The following EPHX1 variants were observed in gnomAD, a reference collection of about 807,000 sequenced individuals.
The protein encoded by EPHX1 is epoxide hydratase.
A neutral mutation model predicts 43.2 loss-of-function variants in EPHX1; 40 were observed. The observed-to-expected ratio is 0.93, with a 90% confidence interval of 0.72 to 1.21. EPHX1 has a LOEUF of 1.21. EPHX1 is among the 50% of genes most tolerant of loss of function. The probability of loss-of-function intolerance (pLI) is 0.00; values close to 1 mark genes in which losing one functional copy is unlikely to be tolerated. For synonymous variants in EPHX1, 221 were observed against 226.7 expected (o/e 0.98, Z 0.22); for missense variants, 550 against 570.4 (o/e 0.96, Z 0.36).
At chr1:225,821,686 G>T (rs141632704) in intron 1 of EPHX1, among the ~76,000 whole-genome samples, 1 of 143,674 alleles carries the variant, frequency 7.0e-6, no homozygotes, top group African/African-American at 2.6e-5. Context: ...TCAGCCTCCC[G>T]AGTAGCTGGG....
At position 225,828,790 on chromosome 1, in the gene EPHX1, CG is replaced by C. The variant is rs1667406423; in HGVS notation, c.64del (p.Asp22ThrfsTer69). ...LGFAIYWFIS[R>X]DKEETLPLED... ...CTTTGCCATCTACTGGTTCATCTCC[CG>C]GGACAAAGAGGAAACTTTGCCACTT... On this transcript the variant is annotated frameshift_variant, in exon 2 of 9. Transcript: ENST00000272167. LOFTEE classifies it high-confidence loss of function. The C allele has an allele frequency of 3.1e-6, 5 of 1,613,740 alleles. No homozygotes were observed. The Admixed American group carries it at 8.3e-5, about 27-fold the overall frequency.
intron 1 of EPHX1, among the ~76,000 whole-genome samples, chr1:225,827,018 G>C (rs1667279918): frequency 6.6e-6 from 1 of 152,178 alleles, no homozygotes; most frequent in African/African-American, 2.4e-5. Context: ...CCATCGCCCT[G>C]GGTGGATTTC....
intron 6 of EPHX1, among the ~76,000 whole-genome samples, 194 bp downstream of exon 6, chr1:225,840,231 C>T (rs538210443): frequency 1.3e-5 from 2 of 152,346 alleles, no homozygotes; most frequent in African/African-American, 4.8e-5. Flanking sequence ...GATTCCCAGG[C>T]CAATTTAGCA....
chr1:225,825,583 A>T (rs1462222012), intron 1 of EPHX1: 1 of 152,182 alleles, frequency 6.6e-6, no homozygotes, highest in Non-Finnish European at 1.5e-5. Flanking sequence ...GGGGAGGGTG[A>T]TCCCTCTTTA....
intron 1 of EPHX1, among the ~76,000 whole-genome samples, chr1:225,827,997 T>TC (rs1449140019): frequency 6.6e-6 from 1 of 152,006 alleles, no homozygotes; most frequent in South Asian, 2.1e-4. Context: ...GGTGCTCCTC[T>TC]CCCCTGGGGG....
In EPHX1 at chr1:225,816,883, A is replaced by G. The variant is rs57724429; in HGVS notation, c.-6+6714A>G. Among the ~76,000 whole-genome samples the G allele has an allele frequency of 4.1e-3, 621 of 152,132 alleles. 15 individuals are homozygous for G. In the East Asian group the frequency reaches 0.046, roughly 11 times the overall value. ...GCCAATCCCAAATTGTTTTCTTTCT[A>G]TCTCTCCAGACATGTAGATAGCATG... On this transcript the variant is annotated intron_variant, in intron 1 of 8. Coordinates refer to ENST00000272167, the MANE Select transcript of EPHX1 (RefSeq NM_001136018.4).
At chr1:225,823,747 C>T (rs1667091597) in intron 1 of EPHX1, among the ~76,000 whole-genome samples, 1 of 152,184 alleles carries the variant, frequency 6.6e-6, no homozygotes. Flanking sequence ...TCCTCTGCCG[C>T]CTTGGGTTCC....
chr1:225,812,786 A>G (rs1163807784), intron 1 of EPHX1, among the ~76,000 whole-genome samples: 1 of 152,232 alleles, frequency 6.6e-6, no homozygotes, highest in Non-Finnish European at 1.5e-5. Flanking sequence ...ACCCCTGCTG[A>G]AGAAGTAGCT....
At chr1:225,842,272 C>T (rs977196286) in intron 6 of EPHX1, 94 bp from the exon 7 acceptor site, 17 of 956,854 alleles carry the variant, frequency 1.8e-5, no homozygotes, top group South Asian at 1.2e-4. Flanking sequence ...CACACAGCCC[C>T]GCCCTCTGCG....
At chr1:225,839,031 A>T in intron 4 of EPHX1, 150 bp downstream of exon 4, 1 of 1,316,382 alleles carries the variant, frequency 7.6e-7, no homozygotes, top group South Asian at 1.3e-5. Flanking sequence ...CCCCAGACAC[A>T]CCGCCCTCCG....
intron 6 of EPHX1, chr1:225,841,233 T>C (rs931482765): frequency 2.0e-4 from 31 of 152,222 alleles, no homozygotes; most frequent in African/African-American, 6.8e-4. Context: ...CTGGCTTCTT[T>C]TGCTCAATAT....
rs1216157792 is a variant in EPHX1, at chr1:225,838,643, TG to T, written c.365-10del. The T allele has an allele frequency of 1.2e-6, 2 of 1,611,434 alleles. No homozygotes were observed. The highest frequency in any genetic ancestry group is 3.3e-5 in the Admixed American group (2 of 59,996). On this transcript the variant is annotated splice_polypyrimidine_tract_variant and intron_variant, in intron 3 of 8. Coordinates refer to ENST00000272167, the MANE Select transcript of EPHX1 (RefSeq NM_001136018.4). ...CTCTCCCTCCACCCTGACTGTGCTC[TG>T]TCCCCCCAGGGCTGGACATCCACTT...
chr1:225,840,631 A>G (rs2102764923), intron 6 of EPHX1, among the ~76,000 whole-genome samples: 1 of 152,400 alleles, frequency 6.6e-6, no homozygotes, highest in East Asian at 1.9e-4. Flanking sequence ...TTAAATCTCC[A>G]TGGGACAAAA....
intron 1 of EPHX1, among the ~76,000 whole-genome samples, chr1:225,824,998 G>A (rs1667162490): frequency 6.6e-6 from 1 of 152,200 alleles, no homozygotes; most frequent in Non-Finnish European, 1.5e-5. Flanking sequence ...CCATCCTTGA[G>A]CCAAGCAAGT....
rs1286941119 is a variant in EPHX1, at chr1:225,817,498, T to TG, written c.-6+7333dup. 6.6e-6 allele frequency among the ~76,000 whole-genome samples: 1 copy of TG among 152,146 alleles called. No individual in the cohort carries two copies. The highest frequency in any genetic ancestry group is 1.5e-5 in the Non-Finnish European group (1 of 68,016). On this transcript the variant is annotated intron_variant, in intron 1 of 8. Coordinates refer to ENST00000272167, the MANE Select transcript of EPHX1 (RefSeq NM_001136018.4). The surrounding 1 kb of genome is among the most constrained non-coding windows in gnomAD (Gnocchi z 5.7). ...GGGAGGAGTGATGAGGCTGGGGTGC[T>TG]GGGGAGGGCAGTATGGGGGCAGGCT...
At chr1:225,819,485 C>T (rs188986550) in intron 1 of EPHX1, among the ~76,000 whole-genome samples, 26 of 152,060 alleles carry the variant, frequency 1.7e-4, no homozygotes, top group African/African-American at 6.3e-4. Context: ...GTGAGTGGAC[C>T]GGGCAGGGTA....
At chr1:225,822,076 C>T (rs1259721300) in intron 1 of EPHX1, among the ~76,000 whole-genome samples, 2 of 152,112 alleles carry the variant, frequency 1.3e-5, no homozygotes, top group African/African-American at 4.8e-5. Context: ...GATTTTCTTC[C>T]ACCTTTCACA....
At chr1:225,812,437 G>T (rs887798977) in intron 1 of EPHX1, among the ~76,000 whole-genome samples, 52 of 152,170 alleles carry the variant, frequency 3.4e-4, no homozygotes, top group African/African-American at 1.2e-3. Context: ...AGGGCTCTGT[G>T]GGCAGAGGGA....
intron 7 of EPHX1, among the ~76,000 whole-genome samples, chr1:225,842,740 TGGGGATTAG>T (rs1164777061): frequency 1.3e-5 from 2 of 152,218 alleles, no homozygotes; most frequent in Non-Finnish European, 2.9e-5. Flanking sequence ...CAGGCCCCTC[TGGGGATTAG>T]GGAGCCCACA....
Sources: gnomAD v4.1 joint callset for allele counts (sites outside exome capture counted in the v4.1 genomes callset) on GRCh38, gnomAD v4.1.1 for gene constraint, Gnocchi (gnomAD v3.1) non-coding constraint, MANE v1.5 for transcripts, NCBI Gene and HGNC (gene_info 2026-07-23, HGNC 2026-07-21) for gene names.